Variants in TMEM132C observed in about 807,000 individuals in gnomAD.
The protein encoded by TMEM132C is transmembrane protein 132C.
A neutral mutation model predicts 61.4 loss-of-function variants in TMEM132C; 29 were observed. That is an observed-to-expected ratio of 0.47 (90% confidence interval 0.35 to 0.64). The LOEUF (loss-of-function observed/expected upper bound fraction) is 0.64. TMEM132C is among the 30% of genes least tolerant of loss of function. The pLI is 0.00. For synonymous variants in TMEM132C, 656 were observed against 633.1 expected (o/e 1.04, Z -0.54); for missense variants, 1,408 against 1,476.9 (o/e 0.95, Z 0.76).
intron 5 of TMEM132C, among the ~76,000 whole-genome samples, chr12:128,677,647 TG>T (rs1187376359): frequency 6.6e-6 from 1 of 152,106 alleles, no homozygotes; most frequent in Admixed American, 6.5e-5. Context: ...CTGTGCCCCC[TG>T]GGTGCCCCCA....
chr12:128,549,301 C>CG lies in TMEM132C; in HGVS notation c.1121+5199dup, dbSNP rs546356009. On this transcript the variant is annotated intron_variant, in intron 3 of 8. Coordinates refer to ENST00000435159, the MANE Select transcript of TMEM132C (RefSeq NM_001136103.3). ...TGTCCATTAACATCCCCCAGGCCAA[C>CG]GTGAGACACGAGGCCAGGCCATGGG... 4.5e-4 allele frequency among the ~76,000 whole-genome samples: 69 copies of CG among 152,246 alleles called. 1 individual carries two copies. The East Asian group carries it at 0.012, about 27-fold the overall frequency.
chr12:128,667,488 C>T (rs1277269180), intron 4 of TMEM132C, among the ~76,000 whole-genome samples: 1 of 152,148 alleles, frequency 6.6e-6, no homozygotes, highest in African/African-American at 2.4e-5. Flanking sequence ...AAGACACAGC[C>T]GAGGGTGGTA....
intron 1 of TMEM132C, among the ~76,000 whole-genome samples, chr12:128,314,849 A>C (rs1872093246): frequency 6.6e-6 from 1 of 152,186 alleles, no homozygotes; most frequent in Non-Finnish European, 1.5e-5. Flanking sequence ...CCATTGTTTT[A>C]AGCCACTCAG....
chr12:128,502,849 T>G (rs565841508), intron 2 of TMEM132C, among the ~76,000 whole-genome samples: 1 of 152,304 alleles, frequency 6.6e-6, no homozygotes, highest in African/African-American at 2.4e-5. Context: ...CGGCACCCAG[T>G]TTGGGCCGGG....
intron 3 of TMEM132C, among the ~76,000 whole-genome samples, chr12:128,544,682 G>A (rs887131820): frequency 1.3e-5 from 2 of 152,200 alleles, no homozygotes; most frequent in African/African-American, 4.8e-5. Flanking sequence ...CTACTCAAGG[G>A]TAACCCACTG....
At chr12:128,377,058 ATTT>A (rs199866756) in intron 1 of TMEM132C, among the ~76,000 whole-genome samples, 1 of 144,910 alleles carries the variant, frequency 6.9e-6, no homozygotes. Flanking sequence ...TGCTTTCTTG[ATTT>A]TTTTTTTTTT....
chr12:128,503,686 GGTTCTATC>G (rs1872257424), intron 2 of TMEM132C, among the ~76,000 whole-genome samples: 1 of 152,218 alleles, frequency 6.6e-6, no homozygotes, highest in Non-Finnish European at 1.5e-5. Flanking sequence ...TCATGAGGAA[GGTTCTATC>G]GTTCTCTCTG....
intron 4 of TMEM132C, among the ~76,000 whole-genome samples, chr12:128,629,007 CATG>C (rs1219644025): frequency 3.9e-5 from 6 of 152,110 alleles, no homozygotes; most frequent in Non-Finnish European, 8.8e-5. Flanking sequence ...GTAATTGTCA[CATG>C]AGGAGGAAAG....
intron 4 of TMEM132C, among the ~76,000 whole-genome samples, chr12:128,633,978 T>C (rs147613347): frequency 4.3e-4 from 65 of 152,376 alleles, no homozygotes; most frequent in Middle Eastern, 6.8e-3. Flanking sequence ...AAATATTTAT[T>C]GGATATCCAC....
intron 1 of TMEM132C, among the ~76,000 whole-genome samples, chr12:128,353,233 C>T (rs539026058): frequency 3.9e-5 from 6 of 152,144 alleles, no homozygotes; most frequent in Non-Finnish European, 5.9e-5. Context: ...ATGCAACTCC[C>T]GAGGCTTCCT....
intron 1 of TMEM132C, among the ~76,000 whole-genome samples, chr12:128,330,895 G>A (rs11836242): frequency 0.1 from 15,377 of 151,964 alleles, 2,157 homozygotes; most frequent in African/African-American, 0.32. Context: ...ACCTTTAAAT[G>A]TATACATATA....
chr12:128,617,608 G>A (rs867010202), intron 4 of TMEM132C, among the ~76,000 whole-genome samples: 1 of 151,744 alleles, frequency 6.6e-6, no homozygotes, highest in Non-Finnish European at 1.5e-5. Context: ...CAGATGCAGA[G>A]TCAGGTGGGA....
rs181352633 is a variant in TMEM132C at position 128,545,664 on chromosome 12, G to T, written c.1121+1561G>T. On this transcript the variant is annotated intron_variant, in intron 3 of 8. Transcript: ENST00000435159. ...ATAATCATCGTTCTGACTGGTGTGAGATGGCATCTCATTGTGGTTTTGATT... is the reference window on the plus strand; with the variant it reads ...ATAATCATCGTTCTGACTGGTGTGATATGGCATCTCATTGTGGTTTTGATT... 1.7e-4 allele frequency among the ~76,000 whole-genome samples: 26 copies of T among 152,312 alleles called. No individual in the cohort carries two copies. In the South Asian group the frequency reaches 4.6e-3, roughly 27 times the overall value.
At chr12:128,313,718 T>C (rs755781030) in intron 1 of TMEM132C, among the ~76,000 whole-genome samples, 1 of 152,136 alleles carries the variant, frequency 6.6e-6, no homozygotes, top group Non-Finnish European at 1.5e-5. Context: ...CAAACTGGGA[T>C]CCTGTTAGGA....
At chr12:128,566,189 CAAAAA>C (rs59258589) in intron 3 of TMEM132C, among the ~76,000 whole-genome samples, 1 of 67,858 alleles carries the variant, frequency 1.5e-5, no homozygotes, top group African/African-American at 5.0e-5. Flanking sequence ...CAAGCCTAAC[CAAAAA>C]AAAAAAAAAA....
chr12:128,389,741 C>T (rs1565921351), intron 1 of TMEM132C, among the ~76,000 whole-genome samples: 1 of 152,216 alleles, frequency 6.6e-6, no homozygotes, highest in East Asian at 1.9e-4. Context: ...AAGGCAGGGG[C>T]ACACTGAGTA....
intron 5 of TMEM132C, among the ~76,000 whole-genome samples, chr12:128,675,541 A>G (rs1954574708): frequency 6.6e-6 from 1 of 152,188 alleles, no homozygotes; most frequent in African/African-American, 2.4e-5. Context: ...TGACTGGACA[A>G]AGTATACTAT....
intron 2 of TMEM132C, among the ~76,000 whole-genome samples, chr12:128,497,271 C>T (rs759017539): frequency 2.0e-5 from 3 of 152,316 alleles, no homozygotes; most frequent in East Asian, 1.9e-4. Flanking sequence ...TTAGGCTACT[C>T]GGGGTCAGGG....
Position 128,661,444 on chromosome 12 carries a change from C to T in TMEM132C, c.1306-7973C>T, listed in dbSNP as rs543337944. Among the ~76,000 whole-genome samples the T allele has an allele frequency of 1.7e-4, 26 of 152,208 alleles. No homozygotes were observed. In the South Asian group the frequency reaches 3.1e-3, roughly 18 times the overall value. On this transcript the variant is annotated intron_variant, in intron 4 of 8. Coordinates refer to ENST00000435159, the MANE Select transcript of TMEM132C (RefSeq NM_001136103.3). ...GGTCTCAGGGAAGGACGGCCTCACACGCTGCTGCTCAGAGTGTATGATGAC... is the reference window on the plus strand; with the variant it reads ...GGTCTCAGGGAAGGACGGCCTCACATGCTGCTGCTCAGAGTGTATGATGAC...
Sources: gnomAD v4.1 joint callset for allele counts (sites outside exome capture counted in the v4.1 genomes callset) on GRCh38, gnomAD v4.1.1 for gene constraint, MANE v1.5 for transcripts, NCBI Gene and HGNC (gene_info 2026-07-23, HGNC 2026-07-21) for gene names.